Variants in CCSER1 observed in about 807,000 individuals in gnomAD.
CCSER1 encodes serine-rich coiled-coil domain-containing protein 1.
A neutral mutation model predicts 82.0 loss-of-function variants in CCSER1; 41 were observed. The observed-to-expected ratio is 0.50, with a 90% CI of 0.39 to 0.65. CCSER1 has a LOEUF of 0.65. CCSER1 is among the 30% of genes least tolerant of loss of function. The pLI is 0.00. For missense variants in CCSER1, 1,119 were observed against 1,064.2 expected, an observed-to-expected ratio of 1.05 and a Z score of -0.72; for synonymous variants, 414 against 383.9, an observed-to-expected ratio of 1.08 and a Z score of -0.92.
At chr4:90,617,903 A>T (rs888836023) in intron 5 of CCSER1, among the ~76,000 whole-genome samples, 5 of 152,122 alleles carry the variant, frequency 3.3e-5, no homozygotes, top group Admixed American at 3.3e-4. Context: ...ATAATTATGT[A>T]TAAACCATAT....
At chr4:90,285,151 A>C (rs1336024769) in intron 1 of CCSER1, among the ~76,000 whole-genome samples, 1 of 151,984 alleles carries the variant, frequency 6.6e-6, no homozygotes, top group African/African-American at 2.4e-5. Flanking sequence ...GGTTCAATAT[A>C]AATTTTAATT....
intron 1 of CCSER1, among the ~76,000 whole-genome samples, chr4:90,185,019 G>C (rs930978254): frequency 6.6e-6 from 1 of 152,024 alleles, no homozygotes; most frequent in Non-Finnish European, 1.5e-5. Flanking sequence ...TAGGAGTGAG[G>C]ATAATCACCA....
At chr4:90,526,893 G>A (rs1773831037) in intron 5 of CCSER1, among the ~76,000 whole-genome samples, 1 of 152,160 alleles carries the variant, frequency 6.6e-6, no homozygotes, top group Non-Finnish European at 1.5e-5. Context: ...ACCCAGTAAT[G>A]GGATTGCTGG....
chr4:90,523,989 A>G (rs1773444975), intron 5 of CCSER1, among the ~76,000 whole-genome samples: 1 of 152,140 alleles, frequency 6.6e-6, no homozygotes, highest in South Asian at 2.1e-4. Context: ...ATCTCTTTCC[A>G]TATATGACTA....
At chr4:90,939,216 A>G (rs1288305220) in intron 9 of CCSER1, among the ~76,000 whole-genome samples, 1 of 152,158 alleles carries the variant, frequency 6.6e-6, no homozygotes, top group East Asian at 1.9e-4. Context: ...CCCTCGCATC[A>G]AGACCAAAAT....
chr4:91,584,901 CTTCA>C (rs770257932), intron 10 of CCSER1, among the ~76,000 whole-genome samples: 3 of 151,310 alleles, frequency 2.0e-5, no homozygotes, highest in Non-Finnish European at 3.0e-5. Context: ...ACATGTCTTC[CTTCA>C]TTCTTAACAA....
At chr4:91,056,961 G>T (rs575919956) in intron 9 of CCSER1, among the ~76,000 whole-genome samples, 1 of 152,244 alleles carries the variant, frequency 6.6e-6, no homozygotes, top group South Asian at 2.1e-4. Flanking sequence ...GAAAAAATGG[G>T]CCAGCCCTTT....
intron 6 of CCSER1, among the ~76,000 whole-genome samples, chr4:90,692,037 A>G (rs1366335333): frequency 5.1e-3 from 37 of 7,222 alleles, no homozygotes; most frequent in East Asian, 0.045. Context: ...CAATGTGTGT[A>G]TATATATATA....
At chr4:90,717,383 G>A (rs1357181433) in intron 6 of CCSER1, among the ~76,000 whole-genome samples, 1 of 152,108 alleles carries the variant, frequency 6.6e-6, no homozygotes, top group Non-Finnish European at 1.5e-5. Context: ...ATTTTCACTT[G>A]GAGGAAACAA....
At chr4:91,021,012 T>C (rs1380851613) in intron 9 of CCSER1, among the ~76,000 whole-genome samples, 1 of 152,164 alleles carries the variant, frequency 6.6e-6, no homozygotes, top group Non-Finnish European at 1.5e-5. Context: ...AAAGTTAGTG[T>C]CTTAAAGAAA....
chr4:91,127,008 A>G (rs1727579865), intron 10 of CCSER1, among the ~76,000 whole-genome samples: 1 of 151,978 alleles, frequency 6.6e-6, no homozygotes, highest in South Asian at 2.1e-4. Context: ...TATGACAAAG[A>G]CAATTTATTT....
chr4:91,030,157 G>A (rs563387271), intron 9 of CCSER1, among the ~76,000 whole-genome samples: 61 of 151,996 alleles, frequency 4.0e-4, no homozygotes, highest in Non-Finnish European at 7.4e-4. Flanking sequence ...ATAGAAAATT[G>A]CAGAATTGGG....
At chr4:91,500,509 T>C (rs572287888) in intron 10 of CCSER1, among the ~76,000 whole-genome samples, 1 of 152,180 alleles carries the variant, frequency 6.6e-6, no homozygotes, top group South Asian at 2.1e-4. Flanking sequence ...AATATAGTTC[T>C]TTTTCATTTT....
intron 9 of CCSER1, among the ~76,000 whole-genome samples, chr4:91,041,423 T>C (rs1741946492): frequency 6.6e-6 from 1 of 152,198 alleles, no homozygotes; most frequent in African/African-American, 2.4e-5. Context: ...TGAGCTAGCA[T>C]TGCTTTGTGG....
intron 1 of CCSER1, among the ~76,000 whole-genome samples, chr4:90,286,384 A>T (rs1729889863): frequency 6.6e-6 from 1 of 152,060 alleles, no homozygotes; most frequent in South Asian, 2.1e-4. Flanking sequence ...GCAGACTATG[A>T]TTTCACATAA....
chr4:90,637,650 A>T (rs746153704), intron 6 of CCSER1, among the ~76,000 whole-genome samples: 2 of 152,162 alleles, frequency 1.3e-5, no homozygotes, highest in Non-Finnish European at 2.9e-5. Context: ...GCCGTAGATG[A>T]GGTTTAAACA....
At chr4:91,030,311 G>T (rs994167315) in intron 9 of CCSER1, among the ~76,000 whole-genome samples, 1 of 152,082 alleles carries the variant, frequency 6.6e-6, no homozygotes, top group Non-Finnish European at 1.5e-5. Context: ...TGGCGATGAT[G>T]GAAATATTCC....
At chr4:90,742,517 C>CATGT (rs1449709915) in intron 7 of CCSER1, among the ~76,000 whole-genome samples, 1 of 152,128 alleles carries the variant, frequency 6.6e-6, no homozygotes, top group Non-Finnish European at 1.5e-5. Context: ...TCCCTTCCAA[C>CATGT]ATGTGAGCAC....
At chr4:90,712,341 T>C (rs1740774563) in intron 6 of CCSER1, among the ~76,000 whole-genome samples, 1 of 152,108 alleles carries the variant, frequency 6.6e-6, no homozygotes, top group Non-Finnish European at 1.5e-5. Context: ...TGGTATGTTG[T>C]ATCCTTGTTC....
Sources: gnomAD v4.1 joint callset for allele counts (sites outside exome capture counted in the v4.1 genomes callset) on GRCh38, gnomAD v4.1.1 for gene constraint, MANE v1.5 for transcripts, NCBI Gene and HGNC (gene_info 2026-07-23, HGNC 2026-07-21) for gene names.